BICC1: variants seen among roughly 807,000 people sequenced by gnomAD.
BICC1 encodes BicC family RNA binding protein 1.
A neutral mutation model predicts 111.0 loss-of-function variants in BICC1; 43 were observed. The observed-to-expected ratio is 0.39, with a 90% CI of 0.30 to 0.50. The LOEUF is 0.50. Ranked by LOEUF, BICC1 falls within the 20% of genes least tolerant of loss-of-function variation. The probability of loss-of-function intolerance (pLI) is 0.88; values close to 1 mark genes in which losing one functional copy is unlikely to be tolerated. For synonymous variants in BICC1, 467 were observed against 434.4 expected (o/e 1.07, Z -0.93); for missense variants, 1,091 against 1,203.2 (o/e 0.91, Z 1.38).
At position 58,829,062 on chromosome 10, in the gene BICC1, T is replaced by G. The variant is rs945089559; in HGVS notation, c.*171T>G. The G allele has an allele frequency of 2.8e-6, 2 of 709,702 alleles. No individual in the cohort carries two copies. The highest frequency in any genetic ancestry group is 3.6e-5 in the African/African-American group (2 of 55,784). The allele number at this position is 709,702 out of a possible 1,614,324, so 44.0% of individuals were successfully genotyped here. A position where few individuals can be genotyped will look rare whatever the true frequency, so the allele number is the denominator to read the frequency against. Reference sequence around the variant, plus strand: ...AAAAAGGAAGAAGAGAGAGAAGATGTTCTTATGATGTCATACAGAACACCA... The same window carrying G: ...AAAAAGGAAGAAGAGAGAGAAGATGGTCTTATGATGTCATACAGAACACCA... On this transcript the variant is annotated 3_prime_UTR_variant, in exon 21 of 21. Transcript: ENST00000373886.
chr10:58,712,485 G>A lies in BICC1; in HGVS notation c.307+10342G>A, dbSNP rs1840605779. ...TCCTTCAGTAGGTGAATGGATAAAT[G>A]TGGTACGTTGACACAATGAAATATT... is the stretch of plus-strand genomic sequence containing the variant. On this transcript the variant is annotated intron_variant, in intron 3 of 20. Transcript: ENST00000373886. 2.6e-5 allele frequency among the ~76,000 whole-genome samples: 4 copies of A among 152,280 alleles called. No homozygotes were observed. The South Asian group carries it at 8.3e-4, about 32-fold the overall frequency.
chr10:58,765,587 CAT>C (rs1216659302), intron 3 of BICC1, among the ~76,000 whole-genome samples: 1 of 152,196 alleles, frequency 6.6e-6, no homozygotes, highest in Non-Finnish European at 1.5e-5. Context: ...AATCCTGAAA[CAT>C]GTGCCCTGTC....
intron 1 of BICC1, among the ~76,000 whole-genome samples, chr10:58,529,798 A>G (rs955220592): frequency 6.6e-6 from 1 of 151,900 alleles, no homozygotes; most frequent in African/African-American, 2.4e-5. Context: ...GATCACCTTC[A>G]AAAATATATT....
intron 1 of BICC1, among the ~76,000 whole-genome samples, chr10:58,618,800 C>T (rs1216300173): frequency 6.6e-6 from 1 of 152,188 alleles, no homozygotes; most frequent in Non-Finnish European, 1.5e-5. Context: ...CAACAGAAAT[C>T]TTACTTTTTG....
intron 2 of BICC1, among the ~76,000 whole-genome samples, chr10:58,690,212 A>G (rs1009123802): frequency 1.8e-4 from 27 of 152,276 alleles, no homozygotes; most frequent in African/African-American, 6.0e-4. Context: ...GTGCCCACCA[A>G]ATATTCTAAT....
At chr10:58,800,419 T>C (rs1589151750) in intron 13 of BICC1, 93 bp downstream of exon 13, 2 of 1,244,932 alleles carry the variant, frequency 1.6e-6, no homozygotes, top group South Asian at 3.5e-5. Flanking sequence ...GAGTTGGTTT[T>C]GCTAAACAGC....
At position 58,598,205 on chromosome 10, in the gene BICC1, T is replaced by C. The variant is rs1844894144; in HGVS notation, c.191-22650T>C. On this transcript the variant is annotated intron_variant, in intron 1 of 20. Coordinates refer to ENST00000373886, the MANE Select transcript of BICC1 (RefSeq NM_001080512.3). ...AAAAGAGCCTGCATAGCCAAGACAG[T>C]CCTGGGCAAGAAGAACAAATCTGGA... Among the ~76,000 whole-genome samples the C allele has an allele frequency of 2.6e-5, 4 of 152,012 alleles. No individual in the cohort carries two copies. The South Asian group carries it at 8.3e-4, about 31-fold the overall frequency.
At chr10:58,625,454 AGCCAGGTTTT>A (rs1246868530) in intron 2 of BICC1, among the ~76,000 whole-genome samples, 2 of 152,168 alleles carry the variant, frequency 1.3e-5, no homozygotes, top group Non-Finnish European at 2.9e-5. Context: ...AATTGATGAA[AGCCAGGTTTT>A]TTTTTGTTGC....
At chr10:58,627,927 G>T (rs1837679303) in intron 2 of BICC1, among the ~76,000 whole-genome samples, 1 of 152,068 alleles carries the variant, frequency 6.6e-6, no homozygotes, top group Admixed American at 6.6e-5. Context: ...TCAGACATTG[G>T]ATTATTATGT....
chr10:58,597,206 A>G (rs564052179), intron 1 of BICC1, among the ~76,000 whole-genome samples: 1 of 152,266 alleles, frequency 6.6e-6, no homozygotes, highest in East Asian at 1.9e-4. Context: ...GTAGGACATC[A>G]CATGTCAGGT....
At chr10:58,528,956 G>T (rs1207372352) in intron 1 of BICC1, among the ~76,000 whole-genome samples, 1 of 151,932 alleles carries the variant, frequency 6.6e-6, no homozygotes, top group Non-Finnish European at 1.5e-5. Flanking sequence ...TAGTTAAAGT[G>T]TCTCGGCTTT....
At chr10:58,789,020 G>C (rs560651440) in intron 6 of BICC1, among the ~76,000 whole-genome samples, 3 of 152,132 alleles carry the variant, frequency 2.0e-5, no homozygotes, top group Non-Finnish European at 4.4e-5. Context: ...GAGCCCAGGA[G>C]GTGGAGGCTG....
At chr10:58,694,720 G>T (rs571184602) in intron 2 of BICC1, among the ~76,000 whole-genome samples, 1 of 152,244 alleles carries the variant, frequency 6.6e-6, no homozygotes, top group Non-Finnish European at 1.5e-5. Flanking sequence ...ATGTGTTTGG[G>T]GGTGGTGGTG....
chr10:58,659,975 TAAG>T (rs1838788055), intron 2 of BICC1, among the ~76,000 whole-genome samples: 1 of 152,212 alleles, frequency 6.6e-6, no homozygotes. Flanking sequence ...GTGGTTCTTA[TAAG>T]GAGGATTGTC....
intron 1 of BICC1, among the ~76,000 whole-genome samples, chr10:58,575,178 C>A (rs1326763289): frequency 6.6e-6 from 1 of 152,030 alleles, no homozygotes; most frequent in African/African-American, 2.4e-5. Flanking sequence ...CTCTTCCCTC[C>A]TGTTGTCCCC....
chr10:58,794,308 G>C (rs1843281930), intron 9 of BICC1, among the ~76,000 whole-genome samples: 1 of 151,518 alleles, frequency 6.6e-6, no homozygotes, highest in East Asian at 1.9e-4. Context: ...GTGCTTTTTT[G>C]TAAATACTTT....
chr10:58,677,419 G>A (rs1311546467), intron 2 of BICC1, among the ~76,000 whole-genome samples: 1 of 152,152 alleles, frequency 6.6e-6, no homozygotes, highest in Non-Finnish European at 1.5e-5. Context: ...CAAGTATCAA[G>A]AACCAAATTG....
chr10:58,814,109 C>T (rs1190995195), intron 18 of BICC1, 123 bp downstream of exon 18: 9 of 1,123,338 alleles, frequency 8.0e-6, no homozygotes, highest in Non-Finnish European at 1.2e-5. Flanking sequence ...CACATGCCAT[C>T]TCCTCTGTGA....
chr10:58,825,609 CTG>C (rs1299806218), intron 20 of BICC1, among the ~76,000 whole-genome samples: 4 of 152,104 alleles, frequency 2.6e-5, no homozygotes, highest in African/African-American at 9.7e-5. Flanking sequence ...ATAAAATTAA[CTG>C]TGTTATATAC....
Sources: gnomAD v4.1 joint callset for allele counts (sites outside exome capture counted in the v4.1 genomes callset) on GRCh38, gnomAD v4.1.1 for gene constraint, MANE v1.5 for transcripts, NCBI Gene and HGNC (gene_info 2026-07-23, HGNC 2026-07-21) for gene names.